PZP: variants seen among roughly 807,000 people sequenced by gnomAD.
The protein encoded by PZP is PZP alpha-2-macroglobulin like, also known as pregnancy zone protein.
Under a neutral mutation model 179.8 loss-of-function variants are expected in PZP, and 150 were observed. The observed-to-expected ratio is 0.83, with a 90% CI of 0.73 to 0.96. The LOEUF is 0.96. Ranked by LOEUF, PZP falls within the 40% of genes least tolerant of loss-of-function variation. The pLI, the probability that PZP is intolerant of heterozygous loss-of-function variation, is 0.00. For missense variants in PZP, 1,689 were observed against 1,764.0 expected (o/e 0.96, Z 0.76); for synonymous variants, 624 against 652.3 (o/e 0.96, Z 0.66).
At position 9,201,339 on chromosome 12, in the gene PZP, CA is replaced by C; in HGVS notation, c.488del (p.Leu163ArgfsTer20). On this transcript the variant is annotated frameshift_variant, in exon 5 of 36. Coordinates refer to ENST00000261336, the MANE Select transcript of PZP (RefSeq NM_002864.3). LOFTEE classifies it high-confidence loss of function. The stretch of plus-strand genomic sequence containing the variant: ...TTCTGATACTTACCTCAAGGTATAT[CA>C]GTGGAATCTATATGATAAAAGGAAA... ...NFRPRNELIP[L>X]IYLENPRRNR... 1 of 1,557,100 alleles carries C rather than the reference CA, an allele frequency of 6.4e-7. No homozygotes were observed. The highest frequency in any genetic ancestry group is 8.8e-7 in the Non-Finnish European group (1 of 1,132,830).
chr12:9,152,768 G>T (rs1468253281), intron 31 of PZP, 56 bp downstream of exon 31: 20 of 1,567,292 alleles, frequency 1.3e-5, no homozygotes, highest in Non-Finnish European at 1.4e-5. Flanking sequence ...ATTAATTTCT[G>T]TTAATTCCAA....
In PZP at chr12:9,164,112, CT is replaced by C; in HGVS notation, c.2614+20del. ...CACCGTCCTTGTTGATTGATAGGCC[CT>C]TTTGGGTACTGTCACTCACCCAGAG... On this transcript the variant is annotated intron_variant, in intron 20 of 35. Transcript: ENST00000261336. 1 of 1,604,776 alleles carries C rather than the reference CT, an allele frequency of 6.2e-7. No individual in the cohort carries two copies. Among genetic ancestry groups the C allele is most frequent in the Non-Finnish European group, 8.5e-7 (1 of 1,172,452 alleles).
Position 9,170,936 on chromosome 12 carries a change from A to G in PZP, c.1840-1345T>C, listed in dbSNP as rs1941950859. Among the ~76,000 whole-genome samples the G allele has an allele frequency of 6.6e-6, 1 of 152,190 alleles. No homozygotes were observed. On this transcript the variant is annotated intron_variant, in intron 15 of 35. Transcript: ENST00000261336. The surrounding 1 kb of genome is among the most constrained non-coding windows in gnomAD (Gnocchi z 4.6). ...CACTCCAACCTGCTGGCTTTGGAGA[A>G]TACAGGTGATCCAGGTGAGGAAGGA...
At position 9,189,407 on chromosome 12, in the gene PZP, A is replaced by G. The variant is rs576847456; in HGVS notation, c.1546+2786T>C. ...AACACAAGGAAAGGACTCCCTATTC[A>G]ATAAATGGTGCTGAGATAACTGGCT... On this transcript the variant is annotated intron_variant, in intron 13 of 35. Transcript: ENST00000261336. 1.3e-3 allele frequency among the ~76,000 whole-genome samples: 192 copies of G among 152,340 alleles called. No homozygotes were observed. In the Middle Eastern group the frequency reaches 0.014, roughly 11 times the overall value.
At chr12:9,167,556 C>T (rs1941675943) in intron 17 of PZP, 1 of 152,200 alleles carries the variant, frequency 6.6e-6, no homozygotes, top group Non-Finnish European at 1.5e-5. Flanking sequence ...CACCTCCACC[C>T]CTGCTGCTTT....
At chr12:9,195,342 G>C in intron 10 of PZP, among the ~76,000 whole-genome samples, 1 of 152,020 alleles carries the variant, frequency 6.6e-6, no homozygotes, top group Admixed American at 6.6e-5. Flanking sequence ...AACCAGCTAA[G>C]AAAATACACA....
At chr12:9,147,608 A>C (rs936543036), downstream of PZP, among the ~76,000 whole-genome samples, 1 of 152,050 alleles carries the variant, frequency 6.6e-6, no homozygotes, top group African/African-American at 2.4e-5. Context: ...ACTGGTGTTC[A>C]TGTGTGGGAC....
At chr12:9,180,962 C>A (rs780603240) in intron 15 of PZP, 21 bp downstream of exon 15, 1 of 1,607,268 alleles carries the variant, frequency 6.2e-7, no homozygotes, top group Non-Finnish European at 8.5e-7. Flanking sequence ...TTCCTGGTCC[C>A]CAAGGCCACT....
In PZP at chr12:9,149,056, G is replaced by A. The variant is rs1940164254; in HGVS notation, c.4427-62C>T. On this transcript the variant is annotated intron_variant, in intron 35 of 35. Coordinates refer to ENST00000261336, the MANE Select transcript of PZP (RefSeq NM_002864.3). ...TTTCCTGAGGAGCATTCAGTTGAGTGTGGGCAGCAGAGTGAGCTTATGCAG... is the reference window on the plus strand; with the variant it reads ...TTTCCTGAGGAGCATTCAGTTGAGTATGGGCAGCAGAGTGAGCTTATGCAG... 6.8e-6 allele frequency: 10 copies of A among 1,462,816 alleles called. No homozygotes were observed. In the Admixed American group the frequency reaches 1.2e-4, roughly 17 times the overall value. The allele number at this position is 1,462,816 out of a possible 1,614,324, so 90.6% of individuals were successfully genotyped here. A position where few individuals can be genotyped will look rare whatever the true frequency, so the allele number is the denominator to read the frequency against.
In PZP at chr12:9,192,647, G is replaced by A; in HGVS notation, c.1347C>T (p.Ser449=). The part of the protein sequence containing the change: ...GAQHTANRVF[S]LSGSYIHLEP... Reference sequence around the variant, plus strand: ...CCAGGTGAATGTAACTTCCACTTAAGGAGAAAACACGATTTGCAGTGTGCT... The same window carrying A: ...CCAGGTGAATGTAACTTCCACTTAAAGAGAAAACACGATTTGCAGTGTGCT... The change falls in exon 12 of 36, where the codon TCC becomes TCT. Residue 449 remains serine (S), a synonymous_variant. Coordinates refer to ENST00000261336, the MANE Select transcript of PZP (RefSeq NM_002864.3). The A allele has an allele frequency of 6.2e-7, 1 of 1,614,098 alleles. No individual in the cohort carries two copies. Among genetic ancestry groups the A allele is most frequent in the Non-Finnish European group, 8.5e-7 (1 of 1,179,938 alleles).
Position 9,187,011 on chromosome 12 carries a change from G to T in PZP, c.1547-4894C>A, listed in dbSNP as rs866118958. ...ACTTAAAGTATAATTTAAAAAAAAA[G>T]AAAAAGAGAAAAGCAGGGGTTGCAA... On this transcript the variant is annotated intron_variant, in intron 13 of 35. Coordinates refer to ENST00000261336, the MANE Select transcript of PZP (RefSeq NM_002864.3). Among the ~76,000 whole-genome samples, 3 of 117,078 alleles carry T rather than the reference G, an allele frequency of 2.6e-5. No homozygotes were observed. In the East Asian group the frequency reaches 8.1e-4, roughly 32 times the overall value. The allele number at this position is 117,078 out of a possible 152,430, so 76.8% of individuals were successfully genotyped here.
intron 19 of PZP, 101 bp downstream of exon 19, chr12:9,165,038 C>G: frequency 1.4e-6 from 2 of 1,386,992 alleles, no homozygotes. Flanking sequence ...AACACACAAT[C>G]CCTTGAATTA....
chr12:9,199,408 G>C (rs1447093990), intron 7 of PZP, among the ~76,000 whole-genome samples: 1 of 152,102 alleles, frequency 6.6e-6, no homozygotes, highest in East Asian at 1.9e-4. Context: ...ATTTCCTGGA[G>C]TGGAAATTTC....
intron 33 of PZP, among the ~76,000 whole-genome samples, chr12:9,150,978 T>A (rs1343078560): frequency 6.6e-6 from 1 of 152,200 alleles, no homozygotes; most frequent in Non-Finnish European, 1.5e-5. Flanking sequence ...TCTTTTGTAG[T>A]CCCTTGTTAT....
At chr12:9,182,456 C>G (rs1212225466) in intron 13 of PZP, among the ~76,000 whole-genome samples, 1 of 152,046 alleles carries the variant, frequency 6.6e-6, no homozygotes, top group Non-Finnish European at 1.5e-5. Context: ...ACATTTCAGA[C>G]TAGAGGTGAT....
At chr12:9,166,578 G>C (rs1941601428) in intron 17 of PZP, among the ~76,000 whole-genome samples, 2 of 152,062 alleles carry the variant, frequency 1.3e-5, no homozygotes, top group Non-Finnish European at 2.9e-5. Context: ...CATTGAGAGT[G>C]GTTGCTATAC....
intron 15 of PZP, among the ~76,000 whole-genome samples, chr12:9,171,727 G>T (rs955696515): frequency 5.3e-5 from 8 of 152,130 alleles, no homozygotes; most frequent in South Asian, 2.1e-4. Flanking sequence ...AGACCAAGAG[G>T]AGGAAAGAAT....
rs780287660 is a variant in PZP at position 9,164,153 on chromosome 12, GTCC to G, written c.2591_2593del (p.Trp864_Thr865delinsSer). 5.0e-6 allele frequency: 8 copies of G among 1,611,560 alleles called. No individual in the cohort carries two copies. The highest frequency in any genetic ancestry group is 5.9e-6 in the Non-Finnish European group (7 of 1,177,700). On this transcript the variant is annotated inframe_deletion, in exon 20 of 36. Coordinates refer to ENST00000261336, the MANE Select transcript of PZP (RefSeq NM_002864.3). The stretch of plus-strand genomic sequence containing the variant: ...CTCACCCAGAGTTTTAGGAGTCACT[GTCC>G]AAGACAAGGTTTGTCTCTCATTTCC...
chr12:9,169,296 A>G, intron 16 of PZP, 134 bp downstream of exon 16: 1 of 910,512 alleles, frequency 1.1e-6, no homozygotes, highest in Non-Finnish European at 1.6e-6. Flanking sequence ...TAACCTTTTT[A>G]TTGGCTTCAT....
Sources: allele counts gnomAD v4.1 joint callset (sites outside exome capture counted in the v4.1 genomes callset), GRCh38; gene constraint gnomAD v4.1.1; non-coding constraint Gnocchi (gnomAD v3.1); transcripts MANE v1.5; gene names NCBI Gene and HGNC (gene_info 2026-07-23, HGNC 2026-07-21).